Variants in CD83 observed in about 807,000 individuals in gnomAD.
The protein encoded by CD83 is CD83 molecule, also known as CD83 antigen.
A neutral mutation model predicts 24.6 loss-of-function variants in CD83; 22 were observed. That is an observed-to-expected ratio of 0.90 (90% CI 0.64 to 1.28). The LOEUF is 1.28. Among genes scored for constraint, CD83 ranks in the 50% most tolerant of loss-of-function variants. CD83 has a pLI of 0.00. For synonymous variants in CD83, 101 were observed against 103.5 expected, an observed-to-expected ratio of 0.98 and a Z score of 0.14; for missense variants, 253 against 252.8, an observed-to-expected ratio of 1.00 and a Z score of -0.01.
chr6:14,135,352 C>A lies in CD83; in HGVS notation c.*116C>A. On this transcript the variant is annotated 3_prime_UTR_variant, in exon 5 of 5. Coordinates refer to ENST00000379153, the MANE Select transcript of CD83 (RefSeq NM_004233.4). ...GAAGATGGCATCCTGTGAAGTCCTT[C>A]ACCTCACTGAAAACATCTGGAAGGG... is the stretch of plus-strand genomic sequence containing the variant. 1 of 1,167,580 alleles carries A rather than the reference C, an allele frequency of 8.6e-7. No homozygotes were observed. The highest frequency in any genetic ancestry group is 1.2e-6 in the Non-Finnish European group (1 of 830,738). 72.3% of individuals were successfully genotyped at this position (1,167,580 alleles called of 1,614,324 possible).
intron 2 of CD83, among the ~76,000 whole-genome samples, chr6:14,124,808 C>T (rs1184507400): frequency 6.6e-6 from 1 of 152,056 alleles, no homozygotes; most frequent in Non-Finnish European, 1.5e-5. Context: ...GAATTGTGCC[C>T]CCCCCAAAAG....
intron 2 of CD83, among the ~76,000 whole-genome samples, chr6:14,130,447 G>A (rs534964173): frequency 4.6e-5 from 7 of 152,320 alleles, no homozygotes; most frequent in East Asian, 1.9e-4. Context: ...AAAGCAAGCC[G>A]CGCACGGTGG....
chr6:14,134,108 C>T (rs9476512), intron 4 of CD83, among the ~76,000 whole-genome samples: 6,772 of 152,320 alleles, frequency 0.044, 415 homozygotes, highest in African/African-American at 0.14. Context: ...AGAGGCCCCG[C>T]TCTTCCTGTG....
chr6:14,118,021 GC>G lies in CD83; in HGVS notation c.114del (p.Trp39GlyfsTer54), dbSNP rs1759578751. On this transcript the variant is annotated frameshift_variant, in exon 2 of 5. Transcript: ENST00000379153. LOFTEE classifies it high-confidence loss of function. ...CGAAGATGTGGACTTGCCCTGCACC[GC>G]CCCCTGGGATCCGCAGGTTCCCTAC... The part of the protein sequence containing the change: ...CSEDVDLPCT[A>X]PWDPQVPYTV... 6.2e-7 allele frequency: 1 copy of G among 1,610,096 alleles called. No individual in the cohort carries two copies.
chr6:14,124,903 G>C (rs1759749128), intron 2 of CD83, among the ~76,000 whole-genome samples: 1 of 151,468 alleles, frequency 6.6e-6, no homozygotes, highest in South Asian at 2.1e-4. Flanking sequence ...TTGAGATGAG[G>C]TGCTACCTGA....
At chr6:14,122,288 A>G (rs911447063) in intron 2 of CD83, among the ~76,000 whole-genome samples, 3 of 152,220 alleles carry the variant, frequency 2.0e-5, no homozygotes, top group African/African-American at 4.8e-5. Flanking sequence ...GGCCACTTCA[A>G]AAGTTCAAGG....
At chr6:14,126,415 A>G (rs1196755871) in intron 2 of CD83, among the ~76,000 whole-genome samples, 2 of 152,156 alleles carry the variant, frequency 1.3e-5, no homozygotes, top group Non-Finnish European at 2.9e-5. Context: ...CCCAGATTCC[A>G]GTGGAGCTAT....
chr6:14,134,153 C>T (rs1227159441), intron 4 of CD83, among the ~76,000 whole-genome samples: 1 of 152,178 alleles, frequency 6.6e-6, no homozygotes, highest in Admixed American at 6.5e-5. Context: ...CCAGGGATGC[C>T]AGGGGATAGA....
intron 2 of CD83, among the ~76,000 whole-genome samples, chr6:14,125,653 T>A (rs555442545): frequency 1.6e-4 from 24 of 152,286 alleles, no homozygotes; most frequent in African/African-American, 5.8e-4. Flanking sequence ...AACTCAGAGC[T>A]TGTAATGGTA....
At position 14,117,942 on chromosome 6, in the gene CD83, T is replaced by G; in HGVS notation, c.38-8T>G. ...GCTTGCTCACGACGCGCTCTCTCTT[T>G]CTTGTAGCCTACAGCCTGGCTCCCG... On this transcript the variant is annotated splice_region_variant and splice_polypyrimidine_tract_variant and intron_variant, in intron 1 of 4. Coordinates refer to ENST00000379153, the MANE Select transcript of CD83 (RefSeq NM_004233.4). This position sits in a 1 kb window ranked among gnomAD's most constrained non-coding sequence, Gnocchi z 4.6. The G allele has an allele frequency of 6.2e-7, 1 of 1,606,298 alleles. No homozygotes were observed. Among genetic ancestry groups the G allele is most frequent in the Non-Finnish European group, 8.5e-7 (1 of 1,178,486 alleles).
chr6:14,118,094 G>GT, intron 2 of CD83, 29 bp downstream of exon 2: 1 of 1,516,782 alleles, frequency 6.6e-7, no homozygotes, highest in South Asian at 1.2e-5. Context: ...ACGGGCTGGG[G>GT]TTTGGTGGGC....
At chr6:14,134,821 T>C (rs1758005892) in intron 4 of CD83, among the ~76,000 whole-genome samples, 1 of 152,274 alleles carries the variant, frequency 6.6e-6, no homozygotes, top group African/African-American at 2.4e-5. Context: ...CATGAATGAC[T>C]TTAGCTTCTT....
chr6:14,128,556 G>A (rs1759876107), intron 2 of CD83, among the ~76,000 whole-genome samples: 1 of 152,180 alleles, frequency 6.6e-6, no homozygotes, highest in Non-Finnish European at 1.5e-5. Context: ...AAACAGCGCT[G>A]TTCATTGGTT....
chr6:14,117,679 C>G (rs1423843073), upstream of CD83: 3 of 593,066 alleles, frequency 5.1e-6, no homozygotes, highest in East Asian at 3.5e-5. The surrounding 1 kb of genome is among the most constrained non-coding windows in gnomAD (Gnocchi z 4.6). Flanking sequence ...GCGCGCCACC[C>G]GCTTCCGCTG....
intron 3 of CD83, among the ~76,000 whole-genome samples, chr6:14,132,407 A>AGCTGATTT (rs1350210470): frequency 6.6e-6 from 1 of 152,238 alleles, no homozygotes; most frequent in Non-Finnish European, 1.5e-5. Context: ...TGAAGAGAAT[A>AGCTGATTT]GCTGATTTTC....
Position 14,136,571 on chromosome 6 carries a change from A to G in CD83, c.*1335A>G, listed in dbSNP as rs1340978222. Reference sequence around the variant, plus strand: ...CCAAAGGCATTTTATTGCTTGAGTTATATGTTCACTGTCCCCCTAATATTA... The same window carrying G: ...CCAAAGGCATTTTATTGCTTGAGTTGTATGTTCACTGTCCCCCTAATATTA... On this transcript the variant is annotated 3_prime_UTR_variant, in exon 5 of 5. Coordinates refer to ENST00000379153, the MANE Select transcript of CD83 (RefSeq NM_004233.4). 2 of 152,148 alleles carry G rather than the reference A, an allele frequency of 1.3e-5. No individual in the cohort carries two copies. Among genetic ancestry groups the G allele is most frequent in the Non-Finnish European group, 2.9e-5 (2 of 68,030 alleles). 9.4% of individuals were successfully genotyped at this position (152,148 alleles called of 1,614,324 possible). A position where few individuals can be genotyped will look rare whatever the true frequency, so the allele number is the denominator to read the frequency against.
At chr6:14,118,128 T>C in intron 2 of CD83, 63 bp downstream of exon 2, 1 of 1,251,820 alleles carries the variant, frequency 8.0e-7, no homozygotes, top group Non-Finnish European at 1.1e-6. Flanking sequence ...GCAGGAACCA[T>C]CTCCCCTAGG....
chr6:14,131,557 A>G lies in CD83; in HGVS notation c.191A>G (p.Gln64Arg). The change falls in exon 3 of 5, where the codon CAG becomes CGG. Residue 64 changes from glutamine (Q) to arginine (R), a missense_variant. Coordinates refer to ENST00000379153, the MANE Select transcript of CD83 (RefSeq NM_004233.4). Reference sequence around the variant, plus strand: ...GGTGAAGAGAGGATGGAGACACCCCAGGAAGACCACCTCAGGGGACAGCAC... The same window carrying G: ...GGTGAAGAGAGGATGGAGACACCCCGGGAAGACCACCTCAGGGGACAGCAC... ...EGGEERMETP[Q>R]EDHLRGQHYH... is the part of the protein sequence containing the mutation. 2 of 1,614,162 alleles carry G rather than the reference A, an allele frequency of 1.2e-6. No homozygotes were observed. Among genetic ancestry groups the G allele is most frequent in the Non-Finnish European group, 1.7e-6 (2 of 1,180,012 alleles).
intron 3 of CD83, among the ~76,000 whole-genome samples, chr6:14,133,104 T>C (rs912752087): frequency 6.6e-6 from 1 of 152,174 alleles, no homozygotes; most frequent in African/African-American, 2.4e-5. Context: ...TCTAGAAAAA[T>C]CTGTTGACGT....
Sources: allele counts gnomAD v4.1 joint callset (sites outside exome capture counted in the v4.1 genomes callset), GRCh38; gene constraint gnomAD v4.1.1; non-coding constraint Gnocchi (gnomAD v3.1); transcripts MANE v1.5; gene names NCBI Gene and HGNC (gene_info 2026-07-23, HGNC 2026-07-21).